WIPF2: variants seen among roughly 807,000 people sequenced by gnomAD.
WIPF2 encodes WAS/WASL-interacting protein family member 2.
WIPF2 carries 23 observed loss-of-function variants against 38.8 expected under a neutral mutation model. The ratio of observed to expected loss-of-function variants is 0.59; its 90% CI spans 0.43 to 0.84. The LOEUF is 0.84. WIPF2 is among the 40% of genes least tolerant of loss of function. The pLI is 0.00. For missense variants in WIPF2, 574 were observed against 580.5 expected, an observed-to-expected ratio of 0.99 and a Z score of 0.11; for synonymous variants, 210 against 223.2, an observed-to-expected ratio of 0.94 and a Z score of 0.53.
intron 1 of WIPF2, among the ~76,000 whole-genome samples, chr17:40,227,646 A>G (rs1201028612): frequency 6.6e-6 from 1 of 151,862 alleles, no homozygotes; most frequent in Non-Finnish European, 1.5e-5. Context: ...TGAGGTCAGA[A>G]GTTGGAGACC....
chr17:40,276,496 G>C (rs975833314), intron 6 of WIPF2, among the ~76,000 whole-genome samples: 2 of 147,024 alleles, frequency 1.4e-5, no homozygotes, highest in African/African-American at 5.0e-5. Flanking sequence ...ACCCCAGTCT[G>C]GGCAACAGAG....
At position 40,269,628 on chromosome 17, in the gene WIPF2, G is replaced by A. The variant is rs185281293; in HGVS notation, c.971-4162G>A. On this transcript the variant is annotated intron_variant, in intron 5 of 7. Transcript: ENST00000323571. Reference sequence around the variant, plus strand: ...TTTTTTTTTTTTTTTTTTTTGAGATGGAGTCTTGCTCTGTCGCCCAGGCTG... The same window carrying A: ...TTTTTTTTTTTTTTTTTTTTGAGATAGAGTCTTGCTCTGTCGCCCAGGCTG... Among the ~76,000 whole-genome samples, 380 of 105,870 alleles carry A rather than the reference G, an allele frequency of 3.6e-3. 3 individuals carry two copies. The highest frequency in any genetic ancestry group is 0.015 in the Middle Eastern group (2 of 134). The allele number at this position is 105,870 out of a possible 152,430, so 69.5% of individuals were successfully genotyped here. A position where few individuals can be genotyped will look rare whatever the true frequency, so the allele number is the denominator to read the frequency against.
At chr17:40,232,214 G>A (rs1386426535) in intron 1 of WIPF2, among the ~76,000 whole-genome samples, 2 of 109,734 alleles carry the variant, frequency 1.8e-5, no homozygotes, top group Non-Finnish European at 3.7e-5. Context: ...TTTTGAGACA[G>A]GGTCTCGCTC....
chr17:40,258,364 C>T (rs1314358139), intron 2 of WIPF2, among the ~76,000 whole-genome samples: 3 of 151,866 alleles, frequency 2.0e-5, no homozygotes, highest in South Asian at 2.1e-4. Context: ...GAGGCCGAGG[C>T]GGGCAGATCA....
At chr17:40,254,632 G>C (rs2031662995) in intron 1 of WIPF2, among the ~76,000 whole-genome samples, 2 of 152,142 alleles carry the variant, frequency 1.3e-5, no homozygotes, top group Admixed American at 1.3e-4. Flanking sequence ...ATGGCTGTCA[G>C]ATTCCAGGGA....
intron 5 of WIPF2, among the ~76,000 whole-genome samples, chr17:40,269,797 G>A (rs368427697): frequency 4.0e-5 from 6 of 150,148 alleles, no homozygotes; most frequent in Middle Eastern, 3.4e-3. Flanking sequence ...AGTAGAGATG[G>A]GGTTTCACCA....
At chr17:40,246,796 A>T (rs1334940519) in intron 1 of WIPF2, among the ~76,000 whole-genome samples, 1 of 151,866 alleles carries the variant, frequency 6.6e-6, no homozygotes, top group Non-Finnish European at 1.5e-5. Context: ...CCCTAGAAAG[A>T]TATGGTACTG....
intron 1 of WIPF2, among the ~76,000 whole-genome samples, chr17:40,226,648 A>G (rs2030504436): frequency 6.6e-6 from 1 of 152,170 alleles, no homozygotes; most frequent in Non-Finnish European, 1.5e-5. Flanking sequence ...ATTATCTAAG[A>G]TCCAGATGTG....
At position 40,279,781 on chromosome 17, in the gene WIPF2, G is replaced by A. The variant is rs913364354; in HGVS notation, c.*1556G>A. Reference sequence around the variant, plus strand: ...TCTTTGAAATGGATGGGGAAAATTAGCTTAAAAATTTAATCACGAGATTGC... The same window carrying A: ...TCTTTGAAATGGATGGGGAAAATTAACTTAAAAATTTAATCACGAGATTGC... On this transcript the variant is annotated 3_prime_UTR_variant, in exon 8 of 8. Transcript: ENST00000323571. The A allele has an allele frequency of 4.1e-5, 6 of 147,230 alleles. No individual in the cohort carries two copies. Among genetic ancestry groups the A allele is most frequent in the African/African-American group, 1.5e-4 (6 of 39,130 alleles). The allele number at this position is 147,230 out of a possible 1,614,324, so 9.1% of individuals were successfully genotyped here. A position where few individuals can be genotyped will look rare whatever the true frequency, so the allele number is the denominator to read the frequency against.
Position 40,264,821 on chromosome 17 carries a change from A to G in WIPF2, c.645A>G (p.Gln215=). 1.2e-6 allele frequency: 2 copies of G among 1,613,888 alleles called. No homozygotes were observed. Among genetic ancestry groups the G allele is most frequent in the Non-Finnish European group, 1.7e-6 (2 of 1,179,934 alleles). ...AACCCTTGCCACCGACGCCTGGACA[A>G]AGGCTTCACCCTGGTCGAGAGGGAC... The part of the protein sequence containing the change: ...REKPLPPTPG[Q]RLHPGREGPP... The change falls in exon 5 of 8, where the codon CAA becomes CAG. Residue 215 remains glutamine, a synonymous_variant. Transcript: ENST00000323571.
chr17:40,245,324 T>C (rs947520935), intron 1 of WIPF2, among the ~76,000 whole-genome samples: 9 of 152,016 alleles, frequency 5.9e-5, no homozygotes, highest in African/African-American at 2.2e-4. Context: ...TCAGCATTGT[T>C]GACAATGTAG....
chr17:40,229,957 T>A (rs568178716), intron 1 of WIPF2, among the ~76,000 whole-genome samples: 1 of 152,202 alleles, frequency 6.6e-6, no homozygotes, highest in African/African-American at 2.4e-5. Flanking sequence ...TTTTGAGGAA[T>A]TGAAAGAGGT....
intron 1 of WIPF2, among the ~76,000 whole-genome samples, chr17:40,248,657 C>T (rs1354836948): frequency 1.3e-5 from 2 of 152,142 alleles, no homozygotes; most frequent in African/African-American, 4.8e-5. Flanking sequence ...AGAGAGATTT[C>T]ATTTGATTTG....
intron 1 of WIPF2, among the ~76,000 whole-genome samples, chr17:40,255,534 AG>A (rs1017213628): frequency 2.0e-5 from 3 of 151,668 alleles, no homozygotes; most frequent in Admixed American, 6.6e-5. Flanking sequence ...CATGTTGGTC[AG>A]GCTGGCCTTG....
chr17:40,227,014 T>C (rs1033900191), intron 1 of WIPF2, among the ~76,000 whole-genome samples: 2 of 152,064 alleles, frequency 1.3e-5, no homozygotes, highest in Non-Finnish European at 2.9e-5. Context: ...GTGCTGGGAT[T>C]ACAGGCGTGA....
rs767022076 is a variant in WIPF2, at chr17:40,251,667, G to C, written c.-69-4724G>C. 1.1e-4 allele frequency among the ~76,000 whole-genome samples: 17 copies of C among 152,226 alleles called. 1 individual carries two copies. Among genetic ancestry groups the C allele is most frequent in the Non-Finnish European group, 2.2e-4 (15 of 68,050 alleles). ...ATTAGTGAAAAGGAAGAAGTCAGGA[G>C]ACCTGGATATGAGGCCTAACTCTGC... On this transcript the variant is annotated intron_variant, in intron 1 of 7. Transcript: ENST00000323571.
At chr17:40,239,313 C>G (rs578177625) in intron 1 of WIPF2, among the ~76,000 whole-genome samples, 1 of 151,898 alleles carries the variant, frequency 6.6e-6, no homozygotes, top group East Asian at 1.9e-4. Context: ...CCTCGTGATC[C>G]GCCCCCTTCA....
intron 1 of WIPF2, among the ~76,000 whole-genome samples, chr17:40,251,276 A>G (rs1567716865): frequency 6.6e-6 from 1 of 152,026 alleles, no homozygotes; most frequent in Non-Finnish European, 1.5e-5. Context: ...TCCTTTGATT[A>G]ATCACAGTTG....
At chr17:40,250,983 G>T (rs978120148) in intron 1 of WIPF2, among the ~76,000 whole-genome samples, 1 of 140,622 alleles carries the variant, frequency 7.1e-6, no homozygotes, top group Non-Finnish European at 1.5e-5. Flanking sequence ...GCGCAATCTC[G>T]GCTCACTGCC....
Sources: allele counts gnomAD v4.1 joint callset (sites outside exome capture counted in the v4.1 genomes callset), GRCh38; gene constraint gnomAD v4.1.1; transcripts MANE v1.5; gene names NCBI Gene and HGNC (gene_info 2026-07-23, HGNC 2026-07-21).